The following VAT1L variants were observed in gnomAD, a reference collection of about 807,000 sequenced individuals.
The protein encoded by VAT1L is putative NADPH-dependent quinone oxidoreductase VAT1L.
Under a neutral mutation model 44.1 loss-of-function variants are expected in VAT1L, and 34 were observed. That is an observed-to-expected ratio of 0.77 (90% CI 0.59 to 1.03). The LOEUF is 1.03. Ranked by LOEUF, VAT1L falls within the 50% of genes least tolerant of loss-of-function variation. VAT1L has a pLI of 0.00. For missense variants in VAT1L, 615 were observed against 538.8 expected (o/e 1.14, Z -1.40); for synonymous variants, 253 against 202.2 (o/e 1.25, Z -2.13).
intron 3 of VAT1L, among the ~76,000 whole-genome samples, chr16:77,830,738 C>A (rs895421049): frequency 6.6e-6 from 1 of 152,178 alleles, no homozygotes; most frequent in Non-Finnish European, 1.5e-5. Context: ...GGCTGGAGGG[C>A]TGTGGCGCAG....
intron 7 of VAT1L, among the ~76,000 whole-genome samples, chr16:77,934,205 A>G (rs1486910365): frequency 6.6e-6 from 1 of 152,076 alleles, no homozygotes; most frequent in African/African-American, 2.4e-5. Flanking sequence ...TTATTGGCAG[A>G]TTGGACGTAA....
chr16:77,946,920 A>G (rs1256645643), intron 7 of VAT1L, among the ~76,000 whole-genome samples: 3 of 152,232 alleles, frequency 2.0e-5, no homozygotes, highest in African/African-American at 7.2e-5. Flanking sequence ...GCCTCTGAGC[A>G]GGAATGGAAA....
chr16:77,883,689 CA>C (rs1239780541), intron 6 of VAT1L, among the ~76,000 whole-genome samples: 4 of 152,188 alleles, frequency 2.6e-5, no homozygotes, highest in African/African-American at 9.7e-5. Flanking sequence ...AAACTACCCC[CA>C]GTTCAGAACC....
At position 77,879,942 on chromosome 16, in the gene VAT1L, A is replaced by G. The variant is rs1258584595; in HGVS notation, c.882+718A>G. Among the ~76,000 whole-genome samples, 1 of 152,092 alleles carries G rather than the reference A, an allele frequency of 6.6e-6. No individual in the cohort carries two copies. Among genetic ancestry groups the G allele is most frequent in the East Asian group, 1.9e-4 (1 of 5,188 alleles). On this transcript the variant is annotated intron_variant, in intron 6 of 8. Coordinates refer to ENST00000302536, the MANE Select transcript of VAT1L (RefSeq NM_020927.3). This position sits in a 1 kb window ranked among gnomAD's most constrained non-coding sequence, Gnocchi z 4.1. ...CTGTCTCCCCATCCTCTTGAATCGGAGATAGAAATGAGGACCCTATGACCT... is the reference window on the plus strand; with the variant it reads ...CTGTCTCCCCATCCTCTTGAATCGGGGATAGAAATGAGGACCCTATGACCT...
At chr16:77,800,908 G>A (rs116475434) in intron 1 of VAT1L, 8,411 of 152,130 alleles carry the variant, frequency 0.055, 338 homozygotes, top group East Asian at 0.13. Context: ...GGTTCACTGC[G>A]AACTCCGCCT....
chr16:77,918,739 T>C (rs1220297674), intron 7 of VAT1L, among the ~76,000 whole-genome samples: 1 of 152,214 alleles, frequency 6.6e-6, no homozygotes, highest in African/African-American at 2.4e-5. Context: ...AAGCTGATCA[T>C]TCCTAAATCT....
At chr16:77,897,569 C>G (rs2017337408) in intron 7 of VAT1L, among the ~76,000 whole-genome samples, 1 of 152,178 alleles carries the variant, frequency 6.6e-6, no homozygotes, top group African/African-American at 2.4e-5. Flanking sequence ...CTCCCAGGTT[C>G]AAGCAATGAT....
chr16:77,900,158 G>A lies in VAT1L; in HGVS notation c.1077+15356G>A, dbSNP rs181012011. 2.6e-5 allele frequency among the ~76,000 whole-genome samples: 4 copies of A among 152,274 alleles called. No individual in the cohort carries two copies. In the East Asian group the frequency reaches 7.7e-4, roughly 29 times the overall value. ...GGACAGGTGTTATGTTCATTACACA[G>A]ATATGTGTGTGTTATAAACATAGAC... is the stretch of plus-strand genomic sequence containing the variant. On this transcript the variant is annotated intron_variant, in intron 7 of 8. Coordinates refer to ENST00000302536, the MANE Select transcript of VAT1L (RefSeq NM_020927.3).
chr16:77,790,998 A>C (rs1034621507), intron 1 of VAT1L, among the ~76,000 whole-genome samples: 1 of 152,218 alleles, frequency 6.6e-6, no homozygotes, highest in African/African-American at 2.4e-5. Context: ...TCAGAAAGCC[A>C]ACCAGGCTGC....
intron 1 of VAT1L, among the ~76,000 whole-genome samples, chr16:77,805,283 A>G (rs1385148944): frequency 6.6e-6 from 1 of 152,190 alleles, no homozygotes; most frequent in Non-Finnish European, 1.5e-5. Context: ...GTCTGTTCCC[A>G]CAGTCTTGAG....
chr16:77,880,821 G>C (rs1023603464), intron 6 of VAT1L, among the ~76,000 whole-genome samples: 1 of 151,820 alleles, frequency 6.6e-6, no homozygotes. Flanking sequence ...TGAGTACCCA[G>C]CTCCCACTTA....
intron 3 of VAT1L, among the ~76,000 whole-genome samples, chr16:77,851,466 T>C (rs1597066681): frequency 1.3e-5 from 2 of 151,968 alleles, no homozygotes; most frequent in South Asian, 2.1e-4. Context: ...CTGGGCAACA[T>C]AGTGAGACCC....
chr16:77,942,635 A>G (rs1431157300), intron 7 of VAT1L, among the ~76,000 whole-genome samples: 1 of 152,220 alleles, frequency 6.6e-6, no homozygotes, highest in Admixed American at 6.5e-5. Flanking sequence ...CTCTCCCAAC[A>G]TAGAAGGATC....
chr16:77,825,023 C>A (rs189210007), intron 2 of VAT1L, among the ~76,000 whole-genome samples: 1 of 151,730 alleles, frequency 6.6e-6, no homozygotes, highest in Admixed American at 6.6e-5. Flanking sequence ...TGCGCCATCA[C>A]GCCTGGTGAA....
intron 3 of VAT1L, among the ~76,000 whole-genome samples, chr16:77,861,618 T>TA (rs2016915187): frequency 1.3e-5 from 2 of 152,218 alleles, no homozygotes; most frequent in African/African-American, 4.8e-5. Context: ...TATTTACACT[T>TA]CCCTGTAGAA....
intron 7 of VAT1L, among the ~76,000 whole-genome samples, chr16:77,914,964 A>G (rs932602572): frequency 2.0e-5 from 3 of 152,204 alleles, no homozygotes; most frequent in Non-Finnish European, 2.9e-5. Flanking sequence ...CGTCTCTACT[A>G]AAAATACAAA....
intron 7 of VAT1L, among the ~76,000 whole-genome samples, chr16:77,889,975 T>C (rs185654523): frequency 6.6e-6 from 1 of 152,140 alleles, no homozygotes; most frequent in East Asian, 1.9e-4. Context: ...TAGTCCCAGC[T>C]ACTTGGGAGG....
intron 6 of VAT1L, among the ~76,000 whole-genome samples, chr16:77,881,344 G>A (rs909641742): frequency 6.6e-6 from 1 of 152,118 alleles, no homozygotes; most frequent in Non-Finnish European, 1.5e-5. Flanking sequence ...GGTGCACTTT[G>A]GGCCTTTTTG....
intron 7 of VAT1L, among the ~76,000 whole-genome samples, chr16:77,925,387 T>G (rs529328321): frequency 6.6e-6 from 1 of 152,274 alleles, no homozygotes; most frequent in South Asian, 2.1e-4. Flanking sequence ...TAATTTCACC[T>G]CGATCAAGTG....
Sources: allele counts gnomAD v4.1 joint callset (sites outside exome capture counted in the v4.1 genomes callset), GRCh38; gene constraint gnomAD v4.1.1; non-coding constraint Gnocchi (gnomAD v3.1); transcripts MANE v1.5; gene names NCBI Gene and HGNC (gene_info 2026-07-23, HGNC 2026-07-21).